PCNX2: variants seen among roughly 807,000 people sequenced by gnomAD.
The protein encoded by PCNX2 is pecanex 2.
PCNX2 carries 168 observed loss-of-function variants against 223.8 expected under a neutral mutation model. The ratio of observed to expected loss-of-function variants is 0.75; its 90% CI spans 0.66 to 0.85. The LOEUF is 0.85. Among genes scored for constraint, PCNX2 ranks in the 40% least tolerant of loss-of-function variants. PCNX2 has a pLI of 0.00. For missense variants in PCNX2, 2,507 were observed against 2,675.5 expected (o/e 0.94, Z 1.39); for synonymous variants, 1,006 against 1,052.6 (o/e 0.96, Z 0.86).
At chr1:233,046,848 T>C (rs2102866142) in intron 25 of PCNX2, among the ~76,000 whole-genome samples, 1 of 152,340 alleles carries the variant, frequency 6.6e-6, no homozygotes, top group East Asian at 1.9e-4. Context: ...ATCATACCAC[T>C]GTGCAAATGA....
At chr1:232,995,791 G>A (rs1340181071) in intron 32 of PCNX2, among the ~76,000 whole-genome samples, 7 of 152,194 alleles carry the variant, frequency 4.6e-5, no homozygotes, top group Non-Finnish European at 8.8e-5. Flanking sequence ...GGACTCCAGG[G>A]AGTGGAAGGA....
rs767690630 is a variant in PCNX2, at chr1:233,001,403, C to T, written c.5097+134G>A. 12 of 409,062 alleles carry T rather than the reference C, an allele frequency of 2.9e-5. No homozygotes were observed. The highest frequency in any genetic ancestry group is 1.1e-3 in the Middle Eastern group (1 of 934). The allele number at this position is 409,062 out of a possible 1,614,324, so 25.3% of individuals were successfully genotyped here. ...CTGTGGCAGGAGAATCGCTTGAACCCGGGAGGTGGAGGTTGTGGTGAGCCG... is the reference window on the plus strand; with the variant it reads ...CTGTGGCAGGAGAATCGCTTGAACCTGGGAGGTGGAGGTTGTGGTGAGCCG... On this transcript the variant is annotated intron_variant, in intron 29 of 33. Transcript: ENST00000258229. This position sits in a 1 kb window ranked among gnomAD's most constrained non-coding sequence, Gnocchi z 4.2.
intron 23 of PCNX2, among the ~76,000 whole-genome samples, chr1:233,082,645 G>A (rs1572084166): frequency 2.0e-5 from 3 of 152,126 alleles, no homozygotes; most frequent in Admixed American, 2.0e-4. Context: ...TAAGCGGCCT[G>A]CTTTGTACTT....
chr1:233,318,563 C>CTTTTTTTTTTTTTTTTT, the PCNX2 span, among the ~76,000 whole-genome samples: 1 of 92,504 alleles, frequency 1.1e-5, no homozygotes, highest in Non-Finnish European at 2.1e-5. Flanking sequence ...TTTTCTTTTT[C>CTTTTTTTTTTTTTTTTT]TTTTTTTTTT....
chr1:232,999,434 T>A (rs1669998820), intron 30 of PCNX2, 55 bp from the exon 31 acceptor site: 2 of 1,469,544 alleles, frequency 1.4e-6, no homozygotes, highest in Admixed American at 5.6e-5. Flanking sequence ...TTTTCCAGTC[T>A]ATTGGTTTTT....
At chr1:233,270,640 A>T (rs1170143760) in intron 1 of PCNX2, among the ~76,000 whole-genome samples, 1 of 152,264 alleles carries the variant, frequency 6.6e-6, no homozygotes, top group African/African-American at 2.4e-5. Flanking sequence ...TAAGATGAAC[A>T]AAAAAGTAGA....
chr1:233,119,403 C>CAAAAA lies in PCNX2; in HGVS notation c.3837+15605_3837+15609dup, dbSNP rs71173251. Reference sequence around the variant, plus strand: ...TGAAACCCCGTCTCTACTAAAAATACAAAAAAAAAAAAAAAAAAAAAAAAA... The same window carrying CAAAAA: ...TGAAACCCCGTCTCTACTAAAAATACAAAAAAAAAAAAAAAAAAAAAAAAAAAAAA... On this transcript the variant is annotated intron_variant, in intron 21 of 33. Transcript: ENST00000258229. Among the ~76,000 whole-genome samples, 129 of 38,622 alleles carry CAAAAA rather than the reference C, an allele frequency of 3.3e-3. 5 individuals carry two copies. Among genetic ancestry groups the CAAAAA allele is most frequent in the African/African-American group, 0.012 (101 of 8,768 alleles). The allele number at this position is 38,622 out of a possible 152,430, so 25.3% of individuals were successfully genotyped here.
rs142812665 is a variant in PCNX2, at chr1:233,170,834, A to T, written c.3273+6968T>A. Among the ~76,000 whole-genome samples, 453 of 152,336 alleles carry T rather than the reference A, an allele frequency of 3.0e-3. 1 individual carries two copies. The highest frequency in any genetic ancestry group is 0.011 in the African/African-American group (441 of 41,594). Reference sequence around the variant, plus strand: ...CCCTCTGTTTGGATTTGGAAGCTACATGCTTTGTTTCTATTCCTTTAGTAG... The same window carrying T: ...CCCTCTGTTTGGATTTGGAAGCTACTTGCTTTGTTTCTATTCCTTTAGTAG... On this transcript the variant is annotated intron_variant, in intron 17 of 33. Coordinates refer to ENST00000258229, the MANE Select transcript of PCNX2 (RefSeq NM_014801.4).
chr1:232,986,580 T>C (rs1207760963), intron 32 of PCNX2, 40 bp from the exon 33 acceptor site: 2 of 1,453,304 alleles, frequency 1.4e-6, no homozygotes, highest in Admixed American at 2.6e-5. Context: ...AGCGGGTGGG[T>C]CATGAACATC....
chr1:233,128,429 G>A (rs1380548990), intron 21 of PCNX2, among the ~76,000 whole-genome samples: 1 of 152,010 alleles, frequency 6.6e-6, no homozygotes, highest in Non-Finnish European at 1.5e-5. Context: ...CCGCCTCTGG[G>A]GTGCAAGCAA....
intron 3 of PCNX2, 66 bp from the exon 4 acceptor site, chr1:233,261,387 G>T: frequency 1.4e-6 from 2 of 1,440,818 alleles, no homozygotes; most frequent in Non-Finnish European, 9.8e-7. Context: ...CAGACAGTCG[G>T]CAATAACTGA....
the PCNX2 span, among the ~76,000 whole-genome samples, chr1:233,320,820 G>C: frequency 6.3e-5 from 8 of 127,832 alleles, no homozygotes; most frequent in South Asian, 2.5e-4. Context: ...CTCATTAATT[G>C]ATATCACTAC....
At chr1:233,065,195 T>C (rs1015216600) in intron 23 of PCNX2, among the ~76,000 whole-genome samples, 1 of 152,190 alleles carries the variant, frequency 6.6e-6, no homozygotes, top group Non-Finnish European at 1.5e-5. Context: ...GTGTTCAGCC[T>C]ACCTCAAGGT....
chr1:233,014,676 A>G lies in PCNX2; in HGVS notation c.4941T>C (p.Asn1647=). 3.1e-6 allele frequency: 5 copies of G among 1,613,902 alleles called. No individual in the cohort carries two copies. Among genetic ancestry groups the G allele is most frequent in the Non-Finnish European group, 4.2e-6 (5 of 1,179,842 alleles). ...CTCCCCCCAGGTACCTGATGGCCAT[A>G]TTGTGAGCGGCTGTTCCCAGAGCTC... is the stretch of plus-strand genomic sequence containing the variant. ...GRRALGTAAH[N]MAISLDSFLY... is the part of the protein sequence containing the mutation. The change falls in exon 28 of 34, where the codon AAT becomes AAC. Residue 1647 remains asparagine (N), a synonymous_variant. Transcript: ENST00000258229.
Position 233,113,352 on chromosome 1 carries a change from C to G in PCNX2, c.3838-17489G>C, listed in dbSNP as rs1158354373. Among the ~76,000 whole-genome samples the G allele has an allele frequency of 2.0e-5, 3 of 152,114 alleles. No individual in the cohort carries two copies. The East Asian group carries it at 5.8e-4, about 29-fold the overall frequency. ...AAATCAAAACATACACCTTGAGAAG[C>G]CAGAGGAGGAAATCTAAGTAATCCA... On this transcript the variant is annotated intron_variant, in intron 21 of 33. Coordinates refer to ENST00000258229, the MANE Select transcript of PCNX2 (RefSeq NM_014801.4).
intron 16 of PCNX2, among the ~76,000 whole-genome samples, chr1:233,178,134 T>C (rs1452979702): frequency 6.6e-6 from 1 of 152,218 alleles, no homozygotes; most frequent in Admixed American, 6.5e-5. Flanking sequence ...TGCCCTCTAT[T>C]GTCAGCAGTG....
intron 12 of PCNX2, chr1:233,211,864 G>A: frequency 1.0e-6 from 1 of 971,726 alleles, no homozygotes; most frequent in South Asian, 4.8e-5. Flanking sequence ...ATAGTCTTAG[G>A]GTGTCAGTTT....
At chr1:233,146,629 CAG>C (rs1257226271) in intron 19 of PCNX2, among the ~76,000 whole-genome samples, 1 of 152,122 alleles carries the variant, frequency 6.6e-6, no homozygotes, top group East Asian at 1.9e-4. Flanking sequence ...GTCACCAATT[CAG>C]AGAGACATGA....
chr1:233,109,556 T>A (rs1019127585), intron 21 of PCNX2, among the ~76,000 whole-genome samples: 6 of 152,306 alleles, frequency 3.9e-5, no homozygotes, highest in South Asian at 2.1e-4. Context: ...TTCCACAGGT[T>A]CATCACACTG....
Sources: allele counts gnomAD v4.1 joint callset (sites outside exome capture counted in the v4.1 genomes callset), GRCh38; gene constraint gnomAD v4.1.1; non-coding constraint Gnocchi (gnomAD v3.1); transcripts MANE v1.5; gene names NCBI Gene and HGNC (gene_info 2026-07-23, HGNC 2026-07-21).